The following MARCHF1 variants were observed in gnomAD, a reference collection of about 807,000 sequenced individuals.
MARCHF1 encodes membrane associated ring-CH-type finger 1, also known as E3 ubiquitin-protein ligase MARCHF1.
MARCHF1 carries 40 observed loss-of-function variants against 54.2 expected under a neutral mutation model. The observed-to-expected ratio is 0.74, with a 90% CI of 0.57 to 0.96. The LOEUF (loss-of-function observed/expected upper bound fraction) is 0.96. Among genes scored for constraint, MARCHF1 ranks in the 40% least tolerant of loss-of-function variants. MARCHF1 has a pLI of 0.00. For missense variants in MARCHF1, 586 were observed against 656.5 expected (o/e 0.89, Z 1.17); for synonymous variants, 236 against 236.3 (o/e 1.00, Z 0.01).
chr4:164,133,802 C>G (rs572014553), intron 1 of MARCHF1, among the ~76,000 whole-genome samples: 1 of 152,292 alleles, frequency 6.6e-6, no homozygotes, highest in East Asian at 1.9e-4. Context: ...CTAGTGGTCC[C>G]ATTAACCCAG....
intron 4 of MARCHF1, among the ~76,000 whole-genome samples, chr4:163,733,222 C>CAT (rs1745921163): frequency 7.7e-5 from 1 of 13,060 alleles, no homozygotes; most frequent in Non-Finnish European, 2.4e-4. Context: ...TATATATATA[C>CAT]ACGTGTATAT....
At chr4:163,780,989 G>A (rs909377804) in intron 4 of MARCHF1, among the ~76,000 whole-genome samples, 1 of 152,114 alleles carries the variant, frequency 6.6e-6, no homozygotes, top group African/African-American at 2.4e-5. Context: ...TTTACTGCAG[G>A]GATCAACATG....
intron 4 of MARCHF1, among the ~76,000 whole-genome samples, chr4:163,778,146 C>G (rs931470423): frequency 7.0e-6 from 1 of 143,662 alleles, no homozygotes; most frequent in Non-Finnish European, 1.5e-5. Flanking sequence ...GGATATACCA[C>G]AGTTTTCTTA....
intron 4 of MARCHF1, among the ~76,000 whole-genome samples, chr4:163,749,279 G>A (rs6850520): frequency 0.046 from 6,906 of 148,960 alleles, 478 homozygotes; most frequent in African/African-American, 0.15. Flanking sequence ...TTCACTTACT[G>A]TTTCTAGTAT....
At chr4:163,713,366 A>G (rs1745164818) in intron 4 of MARCHF1, among the ~76,000 whole-genome samples, 1 of 152,208 alleles carries the variant, frequency 6.6e-6, no homozygotes, top group African/African-American at 2.4e-5. Flanking sequence ...GCCTGGGTCC[A>G]AATCCCAACT....
At chr4:163,533,614 T>A (rs893866600) in intron 9 of MARCHF1, among the ~76,000 whole-genome samples, 1 of 150,734 alleles carries the variant, frequency 6.6e-6, no homozygotes, top group Non-Finnish European at 1.5e-5. Flanking sequence ...GTGGGAACTC[T>A]CTCTTTACCT....
chr4:164,317,378 T>C (rs912878592), intron 1 of MARCHF1, among the ~76,000 whole-genome samples: 3 of 152,162 alleles, frequency 2.0e-5, no homozygotes. Flanking sequence ...GAGTAGCACC[T>C]CAAAGTTGTA....
intron 1 of MARCHF1, among the ~76,000 whole-genome samples, chr4:164,122,817 C>A (rs368161173): frequency 1.4e-4 from 21 of 152,206 alleles, no homozygotes; most frequent in African/African-American, 4.6e-4. Context: ...AGACCTACAG[C>A]AAGTATCGTA....
At chr4:163,671,380 C>A (rs1317002371) in intron 5 of MARCHF1, among the ~76,000 whole-genome samples, 1 of 152,124 alleles carries the variant, frequency 6.6e-6, no homozygotes, top group Non-Finnish European at 1.5e-5. Flanking sequence ...GGAATAGCTG[C>A]CAAAATTTTG....
At chr4:163,577,191 A>T (rs1740069125) in intron 8 of MARCHF1, among the ~76,000 whole-genome samples, 1 of 151,952 alleles carries the variant, frequency 6.6e-6, no homozygotes, top group African/African-American at 2.4e-5. Context: ...CTACGTACTT[A>T]GGTGTGGCTT....
chr4:163,697,258 G>A (rs1381272165), intron 5 of MARCHF1, among the ~76,000 whole-genome samples: 1 of 152,156 alleles, frequency 6.6e-6, no homozygotes, highest in Non-Finnish European at 1.5e-5. Flanking sequence ...GAAGGCATGT[G>A]CTTAGGATAG....
At chr4:164,283,324 T>G (rs561771181) in intron 1 of MARCHF1, among the ~76,000 whole-genome samples, 1 of 151,026 alleles carries the variant, frequency 6.6e-6, no homozygotes, top group African/African-American at 2.4e-5. Flanking sequence ...CAGTATGTCA[T>G]TCTTTTCCTC....
chr4:163,629,867 C>T (rs973616822), intron 5 of MARCHF1, among the ~76,000 whole-genome samples: 2 of 151,942 alleles, frequency 1.3e-5, no homozygotes, highest in South Asian at 4.2e-4. Flanking sequence ...ATAAAAAGTG[C>T]CTCAAGTCAT....
At chr4:164,335,417 C>G (rs1461634487) in intron 1 of MARCHF1, among the ~76,000 whole-genome samples, 1 of 152,056 alleles carries the variant, frequency 6.6e-6, no homozygotes, top group Non-Finnish European at 1.5e-5. Flanking sequence ...CCTGTCTCTA[C>G]CAAAAATACG....
chr4:163,947,973 C>T (rs1752056045), intron 3 of MARCHF1, among the ~76,000 whole-genome samples: 1 of 152,136 alleles, frequency 6.6e-6, no homozygotes, highest in Non-Finnish European at 1.5e-5. Context: ...TAAAGGTATG[C>T]AATAATATTC....
At chr4:164,150,569 G>A (rs1016534123) in intron 1 of MARCHF1, among the ~76,000 whole-genome samples, 2 of 152,150 alleles carry the variant, frequency 1.3e-5, no homozygotes, top group East Asian at 1.9e-4. Context: ...GCTTGGTCCT[G>A]TTTAAGCTTG....
Position 163,695,431 on chromosome 4 carries a change from C to A in MARCHF1, c.162+5382G>T, listed in dbSNP as rs111958644. Among the ~76,000 whole-genome samples, 1,340 of 152,218 alleles carry A rather than the reference C, an allele frequency of 8.8e-3. 10 individuals carry two copies. Among genetic ancestry groups the A allele is most frequent in the Non-Finnish European group, 0.016 (1,054 of 67,994 alleles). On this transcript the variant is annotated intron_variant, in intron 5 of 9. Transcript: ENST00000514618. ...AAATTGTACTGACTATCCCATGCAT[C>A]TTTATTTATTGCAGAATTAACTGGT...
At chr4:163,937,990 ACATATTTTC>A (rs758538574) in intron 3 of MARCHF1, among the ~76,000 whole-genome samples, 1 of 152,164 alleles carries the variant, frequency 6.6e-6, no homozygotes, top group East Asian at 1.9e-4. Flanking sequence ...ATGGCTCAAA[ACATATTTTC>A]CATTATATAA....
intron 2 of MARCHF1, among the ~76,000 whole-genome samples, chr4:163,994,257 AGTGTGTGTGTGT>A (rs769035806): frequency 0.013 from 1,837 of 137,112 alleles, 36 homozygotes; most frequent in African/African-American, 0.043. Context: ...ATAGAGAAAA[AGTGTGTGTGTGT>A]GTGTGTGTGT....
Sources: gnomAD v4.1 joint callset for allele counts (sites outside exome capture counted in the v4.1 genomes callset) on GRCh38, gnomAD v4.1.1 for gene constraint, MANE v1.5 for transcripts, NCBI Gene and HGNC (gene_info 2026-07-23, HGNC 2026-07-21) for gene names.